Variants in ANO4 observed in about 807,000 individuals in gnomAD.
ANO4 encodes the protein anoctamin-4.
ANO4 carries 69 observed loss-of-function variants against 141.9 expected under a neutral mutation model. That is an observed-to-expected ratio of 0.49 (90% CI 0.40 to 0.59). The LOEUF is 0.59. Ranked by LOEUF, ANO4 falls within the 20% of genes least tolerant of loss-of-function variation. The pLI is 0.00. For missense variants in ANO4, 894 were observed against 1,162.2 expected (o/e 0.77, Z 3.36); for synonymous variants, 350 against 394.3 (o/e 0.89, Z 1.33).
intron 13 of ANO4, among the ~76,000 whole-genome samples, chr12:101,045,729 T>A (rs774891994): frequency 6.6e-6 from 1 of 152,152 alleles, no homozygotes; most frequent in African/African-American, 2.4e-5. Flanking sequence ...TGTGGGATCA[T>A]GAGGGCCTCA....
chr12:101,026,933 A>C (rs895808899), intron 9 of ANO4, among the ~76,000 whole-genome samples: 1 of 152,202 alleles, frequency 6.6e-6, no homozygotes, highest in Non-Finnish European at 1.5e-5. Context: ...GAGAATGAAA[A>C]GAAGGGTGGG....
chr12:100,828,310 T>A (rs1952213042), intron 1 of ANO4, among the ~76,000 whole-genome samples: 1 of 152,076 alleles, frequency 6.6e-6, no homozygotes, highest in Admixed American at 6.6e-5. Flanking sequence ...TTTTAGGAAC[T>A]GTGTTTAATC....
chr12:101,047,186 T>C (rs929272540), intron 13 of ANO4, among the ~76,000 whole-genome samples: 1 of 151,612 alleles, frequency 6.6e-6, no homozygotes, highest in African/African-American at 2.4e-5. Flanking sequence ...GAGGTGGAGG[T>C]TGCAGTGAGC....
At chr12:100,766,703 TCTG>T (rs1371727863) in intron 3 of ANO4, among the ~76,000 whole-genome samples, 7 of 152,182 alleles carry the variant, frequency 4.6e-5, no homozygotes, top group Non-Finnish European at 1.0e-4. Context: ...CTAAAAGAAT[TCTG>T]CTGCTGTTGG....
chr12:100,993,560 G>A (rs2045235266), intron 8 of ANO4, among the ~76,000 whole-genome samples: 1 of 152,110 alleles, frequency 6.6e-6, no homozygotes, highest in Non-Finnish European at 1.5e-5. Flanking sequence ...CTTGTTCACA[G>A]CACTATCTAG....
chr12:100,934,422 AT>A (rs1434644656), intron 3 of ANO4, among the ~76,000 whole-genome samples: 2 of 152,056 alleles, frequency 1.3e-5, no homozygotes, highest in Admixed American at 6.6e-5. Context: ...GTGTGGTGTT[AT>A]TTCTGAGGAC....
At chr12:101,096,443 C>A in intron 18 of ANO4, 93 bp from the exon 19 acceptor site, 2 of 1,000,748 alleles carry the variant, frequency 2.0e-6, no homozygotes, top group Non-Finnish European at 3.1e-6. Flanking sequence ...AGGACTCCTG[C>A]GTCCCCACCC....
At chr12:101,064,188 A>G (rs76123769) in intron 14 of ANO4, among the ~76,000 whole-genome samples, 2,234 of 152,188 alleles carry the variant, frequency 0.015, 68 homozygotes, top group African/African-American at 0.051. Context: ...GCTTAGCTAT[A>G]TCCCCCAAAT....
intron 7 of ANO4, among the ~76,000 whole-genome samples, chr12:100,976,421 C>T (rs1190208117): frequency 6.6e-6 from 1 of 152,220 alleles, no homozygotes; most frequent in Non-Finnish European, 1.5e-5. Context: ...AAGCAGTTGA[C>T]ATGACATTTG....
At chr12:100,768,872 C>A (rs2033189910) in intron 3 of ANO4, among the ~76,000 whole-genome samples, 1 of 152,116 alleles carries the variant, frequency 6.6e-6, no homozygotes, top group African/African-American at 2.4e-5. Flanking sequence ...AGTTTGGCAT[C>A]ACAATTCTGT....
At chr12:101,012,462 G>A (rs970760507) in intron 8 of ANO4, among the ~76,000 whole-genome samples, 1 of 152,146 alleles carries the variant, frequency 6.6e-6, no homozygotes, top group Admixed American at 6.5e-5. Flanking sequence ...ACAAAATGTT[G>A]GGAAGAAACA....
At chr12:100,997,699 G>C (rs1164963584) in intron 8 of ANO4, among the ~76,000 whole-genome samples, 2 of 152,052 alleles carry the variant, frequency 1.3e-5, no homozygotes, top group Non-Finnish European at 2.9e-5. Context: ...AAGCGGAAGG[G>C]AGAAACGTAG....
intron 3 of ANO4, among the ~76,000 whole-genome samples, chr12:100,749,786 A>C (rs891539833): frequency 3.3e-5 from 5 of 152,256 alleles, no homozygotes; most frequent in African/African-American, 1.2e-4. Context: ...AAAGTCATCC[A>C]TTCTTCTAGT....
chr12:100,904,740 G>C (rs1037323446), intron 2 of ANO4, among the ~76,000 whole-genome samples: 2 of 152,140 alleles, frequency 1.3e-5, no homozygotes, highest in African/African-American at 4.8e-5. Context: ...ACAGGGTTTT[G>C]AGCAGAAGAA....
At chr12:100,912,590 T>C (rs1387523073) in intron 2 of ANO4, among the ~76,000 whole-genome samples, 2 of 152,070 alleles carry the variant, frequency 1.3e-5, no homozygotes, top group Non-Finnish European at 2.9e-5. Context: ...GGTGTCAACT[T>C]TTTATCTTGA....
At chr12:100,976,279 G>A (rs2044188800) in intron 7 of ANO4, among the ~76,000 whole-genome samples, 1 of 152,136 alleles carries the variant, frequency 6.6e-6, no homozygotes, top group African/African-American at 2.4e-5. Flanking sequence ...AGAGTAGTTG[G>A]TACATTATGG....
At chr12:100,901,885 C>A in intron 2 of ANO4, 45 bp downstream of exon 2, 2 of 1,484,640 alleles carry the variant, frequency 1.3e-6, no homozygotes, top group South Asian at 2.5e-5. Flanking sequence ...CAGTAGCAAC[C>A]TGACCACAGT....
At chr12:101,059,073 C>G (rs148944366) in intron 14 of ANO4, among the ~76,000 whole-genome samples, 312 of 152,002 alleles carry the variant, frequency 2.1e-3, no homozygotes, top group African/African-American at 7.2e-3. Context: ...TAGCATGAAG[C>G]GGTGTTGAAT....
chr12:100,962,610 A>G (rs975152733), intron 5 of ANO4, among the ~76,000 whole-genome samples: 29 of 152,106 alleles, frequency 1.9e-4, no homozygotes, highest in African/African-American at 6.8e-4. Flanking sequence ...TCGCATAGTT[A>G]TTGGCAGAAT....
Sources: gnomAD v4.1 joint callset for allele counts (sites outside exome capture counted in the v4.1 genomes callset) on GRCh38, gnomAD v4.1.1 for gene constraint, MANE v1.5 for transcripts, NCBI Gene and HGNC (gene_info 2026-07-23, HGNC 2026-07-21) for gene names.